The following KCTD8 variants were observed in gnomAD, a reference collection of about 807,000 sequenced individuals.
The protein encoded by KCTD8 is BTB/POZ domain-containing protein KCTD8.
A neutral mutation model predicts 31.5 loss-of-function variants in KCTD8; 27 were observed. That is an observed-to-expected ratio of 0.86 (90% confidence interval 0.63 to 1.18). The LOEUF (loss-of-function observed/expected upper bound fraction) is 1.18. Ranked by LOEUF, KCTD8 falls within the 50% of genes most tolerant of loss-of-function variation. KCTD8 has a pLI of 0.00. For missense variants in KCTD8, 658 were observed against 647.7 expected, an observed-to-expected ratio of 1.02 and a Z score of -0.17; for synonymous variants, 290 against 280.0, an observed-to-expected ratio of 1.04 and a Z score of -0.36.
chr4:44,366,363 T>C (rs902531326), intron 1 of KCTD8, among the ~76,000 whole-genome samples: 3 of 152,180 alleles, frequency 2.0e-5, no homozygotes, highest in Admixed American at 2.0e-4. Context: ...TTTGCTGTTC[T>C]TGTGATAATG....
At chr4:44,434,428 G>A (rs924652320) in intron 1 of KCTD8, among the ~76,000 whole-genome samples, 1 of 151,850 alleles carries the variant, frequency 6.6e-6, no homozygotes, top group Non-Finnish European at 1.5e-5. Flanking sequence ...CCAAAGTACA[G>A]AGTAAATAAA....
intron 1 of KCTD8, among the ~76,000 whole-genome samples, chr4:44,191,131 T>G (rs972390052): frequency 2.7e-4 from 41 of 152,220 alleles, no homozygotes; most frequent in African/African-American, 9.9e-4. Context: ...TAATTTCTTA[T>G]GCCTGTCTTT....
At chr4:44,205,903 G>T (rs2109341345) in intron 1 of KCTD8, among the ~76,000 whole-genome samples, 1 of 152,260 alleles carries the variant, frequency 6.6e-6, no homozygotes, top group East Asian at 1.9e-4. Context: ...CCCATGGAAT[G>T]CTGTCCCCTC....
chr4:44,370,453 G>A (rs555832997), intron 1 of KCTD8, among the ~76,000 whole-genome samples: 1 of 152,194 alleles, frequency 6.6e-6, no homozygotes, highest in Admixed American at 6.5e-5. Context: ...TTTTTCTCAC[G>A]AAGTCTACTG....
At chr4:44,177,927 T>A (rs772447128) in intron 1 of KCTD8, among the ~76,000 whole-genome samples, 1 of 152,196 alleles carries the variant, frequency 6.6e-6, no homozygotes, top group Admixed American at 6.5e-5. Context: ...TTCTGATAGA[T>A]CCACTCTATC....
At chr4:44,218,159 C>T (rs1377382612) in intron 1 of KCTD8, among the ~76,000 whole-genome samples, 23 of 97,348 alleles carry the variant, frequency 2.4e-4, no homozygotes, top group African/African-American at 9.7e-4. Flanking sequence ...TTTGAGATGG[C>T]GTCTTGCTCT....
At chr4:44,442,951 C>CA (rs1295617028) in intron 1 of KCTD8, among the ~76,000 whole-genome samples, 2 of 151,888 alleles carry the variant, frequency 1.3e-5, no homozygotes, top group African/African-American at 2.4e-5. Flanking sequence ...CATAGCAATA[C>CA]AAAAAAATAT....
intron 1 of KCTD8, among the ~76,000 whole-genome samples, chr4:44,361,160 T>C (rs147007499): frequency 1.5e-3 from 230 of 152,124 alleles, no homozygotes; most frequent in African/African-American, 5.2e-3. Context: ...CCACATTCAT[T>C]GTAAAGATCC....
chr4:44,395,462 A>C, intron 1 of KCTD8, among the ~76,000 whole-genome samples: 1 of 152,234 alleles, frequency 6.6e-6, no homozygotes, highest in South Asian at 2.1e-4. Context: ...ATGCTCATTA[A>C]CATCCTAAAT....
chr4:44,267,028 T>G lies in KCTD8; in HGVS notation c.962-91778A>C, dbSNP rs545905646. On this transcript the variant is annotated intron_variant, in intron 1 of 1. Coordinates refer to ENST00000360029, the MANE Select transcript of KCTD8 (RefSeq NM_198353.3). Reference sequence around the variant, plus strand: ...AGGATACCCAGGAATTGAACTCAGCTCTGCACCAAGCAGACCTAATAGACA... The same window carrying G: ...AGGATACCCAGGAATTGAACTCAGCGCTGCACCAAGCAGACCTAATAGACA... Among the ~76,000 whole-genome samples, 15 of 152,206 alleles carry G rather than the reference T, an allele frequency of 9.9e-5. No homozygotes were observed. In the East Asian group the frequency reaches 2.9e-3, roughly 29 times the overall value.
chr4:44,309,114 C>T (rs1044279073), intron 1 of KCTD8, among the ~76,000 whole-genome samples: 2 of 152,152 alleles, frequency 1.3e-5, no homozygotes, highest in African/African-American at 4.8e-5. Flanking sequence ...TGGCTCACTA[C>T]AGCCTCAACC....
chr4:44,426,583 G>A (rs1376139283), intron 1 of KCTD8, among the ~76,000 whole-genome samples: 26 of 151,578 alleles, frequency 1.7e-4, no homozygotes, highest in Admixed American at 1.7e-3. Context: ...GTACCCATTT[G>A]GTACTGAAAT....
intron 1 of KCTD8, among the ~76,000 whole-genome samples, chr4:44,345,716 G>T (rs760735441): frequency 5.9e-5 from 9 of 152,074 alleles, no homozygotes; most frequent in Non-Finnish European, 1.2e-4. Context: ...GTCAAGAGAT[G>T]TTCATGTTTG....
chr4:44,328,436 A>C (rs879509891), intron 1 of KCTD8, among the ~76,000 whole-genome samples: 1 of 151,930 alleles, frequency 6.6e-6, no homozygotes, highest in Non-Finnish European at 1.5e-5. Flanking sequence ...CTAGATGACC[A>C]CATCATTGAC....
rs1359882561 is a variant in KCTD8 at position 44,186,452 on chromosome 4, G to T, written c.962-11202C>A. 2.0e-5 allele frequency among the ~76,000 whole-genome samples: 3 copies of T among 152,306 alleles called. No individual in the cohort carries two copies. The East Asian group carries it at 5.8e-4, about 29-fold the overall frequency. ...TCTGGTACACCAAGGCAAGAACACT[G>T]GGATACAGAAAGCCCTCTGTCCTTG... On this transcript the variant is annotated intron_variant, in intron 1 of 1. Transcript: ENST00000360029.
rs536959186 is a variant in KCTD8, at chr4:44,390,920, A to G, written c.961+56643T>C. ...TAAAAGTAGAACCACCATTTGATCC[A>G]GAAATCCCATGACTAGGTATCTACC... On this transcript the variant is annotated intron_variant, in intron 1 of 1. Transcript: ENST00000360029. Among the ~76,000 whole-genome samples the G allele has an allele frequency of 7.2e-5, 11 of 152,146 alleles. No homozygotes were observed. In the South Asian group the frequency reaches 2.1e-3, roughly 29 times the overall value.
intron 1 of KCTD8, among the ~76,000 whole-genome samples, chr4:44,184,599 T>C (rs1277567894): frequency 6.6e-6 from 1 of 152,234 alleles, no homozygotes; most frequent in African/African-American, 2.4e-5. Context: ...CAGTCTTTAA[T>C]TGTAAACTCC....
At chr4:44,199,381 C>T (rs1714061437) in intron 1 of KCTD8, among the ~76,000 whole-genome samples, 1 of 151,984 alleles carries the variant, frequency 6.6e-6, no homozygotes, top group Non-Finnish European at 1.5e-5. Context: ...AGAACGTATT[C>T]AAAAATCAAC....
At chr4:44,291,547 C>A (rs750071198) in intron 1 of KCTD8, among the ~76,000 whole-genome samples, 1 of 152,028 alleles carries the variant, frequency 6.6e-6, no homozygotes, top group Non-Finnish European at 1.5e-5. Flanking sequence ...AAATACCCTT[C>A]CCGACATTGA....
Sources: gnomAD v4.1 joint callset for allele counts (sites outside exome capture counted in the v4.1 genomes callset) on GRCh38, gnomAD v4.1.1 for gene constraint, MANE v1.5 for transcripts, NCBI Gene and HGNC (gene_info 2026-07-23, HGNC 2026-07-21) for gene names.